The following SRGAP3 variants were observed in gnomAD, a reference collection of about 807,000 sequenced individuals.
SRGAP3 encodes the protein SLIT-ROBO Rho GTPase-activating protein 3.
A neutral mutation model predicts 121.1 loss-of-function variants in SRGAP3; 39 were observed. The ratio of observed to expected loss-of-function variants is 0.32; its 90% CI spans 0.25 to 0.42. The LOEUF (loss-of-function observed/expected upper bound fraction) is 0.42. Ranked by LOEUF, SRGAP3 falls within the 10% of genes least tolerant of loss-of-function variation. The pLI is 1.00. For missense variants in SRGAP3, 1,213 were observed against 1,470.6 expected, an observed-to-expected ratio of 0.82 and a Z score of 2.86; for synonymous variants, 601 against 570.0, an observed-to-expected ratio of 1.05 and a Z score of -0.77.
chr3:9,080,965 T>C lies in SRGAP3; in HGVS notation c.424-878A>G, dbSNP rs558572998. On this transcript the variant is annotated intron_variant, in intron 3 of 21. Transcript: ENST00000383836. ...ATACAGAAATGAAATACACAATAAATATAATGTGCTTCAATCATCCCGAAA... is the reference window on the plus strand; with the variant it reads ...ATACAGAAATGAAATACACAATAAACATAATGTGCTTCAATCATCCCGAAA... 1.2e-4 allele frequency among the ~76,000 whole-genome samples: 18 copies of C among 152,170 alleles called. No individual in the cohort carries two copies. In the South Asian group the frequency reaches 3.3e-3, roughly 28 times the overall value.
chr3:9,089,275 C>CTTT (rs1947635195), intron 3 of SRGAP3, among the ~76,000 whole-genome samples: 1 of 58,650 alleles, frequency 1.7e-5, no homozygotes, highest in Non-Finnish European at 3.3e-5. Context: ...TCCCACTTGA[C>CTTT]AGATAAGTGG....
At chr3:9,009,484 G>C (rs1943249988) in intron 18 of SRGAP3, among the ~76,000 whole-genome samples, 1 of 152,144 alleles carries the variant, frequency 6.6e-6, no homozygotes, top group Non-Finnish European at 1.5e-5. Context: ...TTAGTATAAA[G>C]ACAAATATAA....
At chr3:9,110,692 C>A (rs984784751) in intron 2 of SRGAP3, among the ~76,000 whole-genome samples, 2 of 152,372 alleles carry the variant, frequency 1.3e-5, no homozygotes, top group East Asian at 3.9e-4. Flanking sequence ...TGGGTCTGCA[C>A]CCCCACCTTC....
intron 21 of SRGAP3, among the ~76,000 whole-genome samples, chr3:8,986,763 C>A (rs1186993175): frequency 6.6e-6 from 1 of 152,132 alleles, no homozygotes; most frequent in Non-Finnish European, 1.5e-5. Flanking sequence ...TTTAACAGGC[C>A]AGAAAAATCT....
intron 3 of SRGAP3, among the ~76,000 whole-genome samples, chr3:9,272,426 T>C (rs1158128992): frequency 6.6e-6 from 1 of 152,194 alleles, no homozygotes; most frequent in Non-Finnish European, 1.5e-5. Context: ...CCCCAGCTCC[T>C]GGTAGCCTCC....
chr3:9,232,381 C>A (rs886225740), intron 1 of SRGAP3, among the ~76,000 whole-genome samples: 7 of 152,128 alleles, frequency 4.6e-5, no homozygotes, highest in African/African-American at 7.2e-5. Flanking sequence ...GGTCTTCTTT[C>A]CCCTGTCCCC....
chr3:9,102,533 G>A (rs919998783), intron 3 of SRGAP3, among the ~76,000 whole-genome samples: 10 of 152,176 alleles, frequency 6.6e-5, no homozygotes, highest in Non-Finnish European at 1.0e-4. Context: ...AGGTCTGCGG[G>A]AACTATTATT....
At chr3:9,313,465 G>C (rs889615923) in intron 3 of SRGAP3, among the ~76,000 whole-genome samples, 6 of 152,144 alleles carry the variant, frequency 3.9e-5, no homozygotes, top group Admixed American at 1.3e-4. Context: ...GAGACAGGCA[G>C]ATGACTTGAG....
intron 18 of SRGAP3, chr3:9,007,830 T>G (rs1943157172): frequency 1.3e-5 from 2 of 152,238 alleles, no homozygotes; most frequent in South Asian, 4.1e-4. Context: ...GGTCTCTTTT[T>G]TCTGAGCACA....
chr3:9,079,333 T>C (rs1172341504), intron 4 of SRGAP3, among the ~76,000 whole-genome samples: 1 of 152,194 alleles, frequency 6.6e-6, no homozygotes, highest in African/African-American at 2.4e-5. Context: ...CACATTCCTC[T>C]TGAGGAAGCC....
chr3:9,323,939 C>A (rs1955475891), intron 3 of SRGAP3, among the ~76,000 whole-genome samples: 1 of 151,746 alleles, frequency 6.6e-6, no homozygotes, highest in Non-Finnish European at 1.5e-5. Flanking sequence ...GCGAATTGGG[C>A]AGCCCCCAGA....
chr3:9,214,741 C>A (rs148154281), intron 1 of SRGAP3, among the ~76,000 whole-genome samples: 2 of 152,012 alleles, frequency 1.3e-5, no homozygotes, highest in Non-Finnish European at 2.9e-5. Context: ...GATGAAGGAC[C>A]AGGAATTTGG....
Position 9,133,498 on chromosome 3 carries a change from T to C in SRGAP3, c.68-8581A>G, listed in dbSNP as rs147320611. Among the ~76,000 whole-genome samples the C allele has an allele frequency of 5.6e-3, 851 of 152,238 alleles. 8 individuals are homozygous for C. Among genetic ancestry groups the C allele is most frequent in the African/African-American group, 0.019 (774 of 41,542 alleles). On this transcript the variant is annotated intron_variant, in intron 1 of 21. Transcript: ENST00000383836. ...GACTCTATCTAAAAAAAAGTAATAA[T>C]AATACATCATGGAGATCAGTCCAAA...
intron 2 of SRGAP3, among the ~76,000 whole-genome samples, chr3:9,123,837 G>C (rs1949118970): frequency 5.9e-5 from 9 of 151,478 alleles, no homozygotes; most frequent in Admixed American, 5.9e-4. Context: ...GGGGAAGGGG[G>C]ATCAGGATCA....
chr3:9,160,142 C>T (rs1167891423), intron 1 of SRGAP3, among the ~76,000 whole-genome samples: 1 of 152,194 alleles, frequency 6.6e-6, no homozygotes. Flanking sequence ...ACCTACCTCA[C>T]AGGGTTATGG....
chr3:9,101,832 T>G (rs1010437174), intron 3 of SRGAP3, among the ~76,000 whole-genome samples: 7 of 152,130 alleles, frequency 4.6e-5, no homozygotes, highest in Non-Finnish European at 1.0e-4. Context: ...TCAGTTTAAT[T>G]TTGCTAGGGC....
At chr3:9,137,224 G>A (rs1424133977) in intron 1 of SRGAP3, among the ~76,000 whole-genome samples, 1 of 152,170 alleles carries the variant, frequency 6.6e-6, no homozygotes, top group South Asian at 2.1e-4. Flanking sequence ...TATACCAAGT[G>A]AGCCAGGTTT....
At chr3:9,297,263 A>G (rs1954967892) in intron 3 of SRGAP3, among the ~76,000 whole-genome samples, 1 of 152,172 alleles carries the variant, frequency 6.6e-6, no homozygotes, top group Non-Finnish European at 1.5e-5. Flanking sequence ...AAAGCTATGC[A>G]GGCCCAGTGT....
At chr3:9,134,908 T>C (rs1238529142) in intron 1 of SRGAP3, among the ~76,000 whole-genome samples, 1 of 152,168 alleles carries the variant, frequency 6.6e-6, no homozygotes, top group Non-Finnish European at 1.5e-5. Context: ...CCCTGCCACA[T>C]GCTCAGGTGG....
Sources: allele counts gnomAD v4.1 joint callset (sites outside exome capture counted in the v4.1 genomes callset), GRCh38; gene constraint gnomAD v4.1.1; transcripts MANE v1.5; gene names NCBI Gene and HGNC (gene_info 2026-07-23, HGNC 2026-07-21).